The following GNAQ variants were observed in gnomAD, a reference collection of about 807,000 sequenced individuals.
GNAQ encodes guanine nucleotide-binding protein G(q) subunit alpha.
Under a neutral mutation model 43.9 loss-of-function variants are expected in GNAQ, and 8 were observed. The observed-to-expected ratio is 0.18, with a 90% confidence interval of 0.11 to 0.33. The LOEUF (loss-of-function observed/expected upper bound fraction) is 0.33. Among genes scored for constraint, GNAQ ranks in the 10% least tolerant of loss-of-function variants. GNAQ has a pLI of 1.00. For synonymous variants in GNAQ, 155 were observed against 170.7 expected (o/e 0.91, Z 0.71); for missense variants, 158 against 450.8 (o/e 0.35, Z 5.88).
chr9:77,716,618 T>C lies in GNAQ; in HGVS notation c.*4705A>G, dbSNP rs1423641723. ...CAAAGTTACGTAGTATTATTCCAGCTTTCTTTCCTGAACTTAAAAATGTTC... is the reference window on the plus strand; with the variant it reads ...CAAAGTTACGTAGTATTATTCCAGCCTTCTTTCCTGAACTTAAAAATGTTC... On this transcript the variant is annotated 3_prime_UTR_variant, in exon 7 of 7. Coordinates refer to ENST00000286548, the MANE Select transcript of GNAQ (RefSeq NM_002072.5). 1 of 232,856 alleles carries C rather than the reference T, an allele frequency of 4.3e-6. No homozygotes were observed. The highest frequency in any genetic ancestry group is 8.5e-6 in the Non-Finnish European group (1 of 117,896). 14.4% of individuals were successfully genotyped at this position (232,856 alleles called of 1,614,324 possible).
chr9:78,004,833 G>A, intron 1 of GNAQ, among the ~76,000 whole-genome samples: 1 of 151,980 alleles, frequency 6.6e-6, no homozygotes, highest in South Asian at 2.1e-4. Context: ...TCCTAGGGGT[G>A]GGAGAGAAGA....
chr9:77,825,423 T>C (rs1827178380), intron 2 of GNAQ, among the ~76,000 whole-genome samples: 1 of 152,172 alleles, frequency 6.6e-6, no homozygotes, highest in Non-Finnish European at 1.5e-5. Flanking sequence ...TTCGTGGACC[T>C]GGCAGCCTAC....
chr9:77,928,651 G>T (rs919655145), intron 1 of GNAQ, among the ~76,000 whole-genome samples: 3 of 152,144 alleles, frequency 2.0e-5, no homozygotes, highest in African/African-American at 7.2e-5. Flanking sequence ...AAACATTTGT[G>T]TATTAAAAAC....
intron 5 of GNAQ, among the ~76,000 whole-genome samples, chr9:77,729,439 A>G (rs1173042564): frequency 6.6e-6 from 1 of 152,178 alleles, no homozygotes; most frequent in Non-Finnish European, 1.5e-5. Context: ...GAAGAAAATT[A>G]GTCAGCTTGC....
chr9:77,857,276 C>T (rs1307213686), intron 2 of GNAQ, among the ~76,000 whole-genome samples: 1 of 152,214 alleles, frequency 6.6e-6, no homozygotes, highest in African/African-American at 2.4e-5. Context: ...GAAATTCAAT[C>T]ACTTTCAACA....
intron 1 of GNAQ, among the ~76,000 whole-genome samples, chr9:77,929,716 T>C (rs1385035902): frequency 6.6e-6 from 1 of 152,024 alleles, no homozygotes; most frequent in Non-Finnish European, 1.5e-5. Context: ...GCGCCTGTAG[T>C]TCCTTCGGGA....
In GNAQ at chr9:77,716,289, C is replaced by T. The variant is rs535616673; in HGVS notation, c.*5034G>A. Reference sequence around the variant, plus strand: ...TAGTACAAAATTATGGCCAAAAATACTGTATTTTTAACCAGCAAGATCATT... The same window carrying T: ...TAGTACAAAATTATGGCCAAAAATATTGTATTTTTAACCAGCAAGATCATT... On this transcript the variant is annotated 3_prime_UTR_variant, in exon 7 of 7. Transcript: ENST00000286548. 1.3e-5 allele frequency: 3 copies of T among 231,162 alleles called. No homozygotes were observed. The East Asian group carries it at 1.8e-4, about 14-fold the overall frequency. The allele number at this position is 231,162 out of a possible 1,614,324, so 14.3% of individuals were successfully genotyped here. A position where few individuals can be genotyped will look rare whatever the true frequency, so the allele number is the denominator to read the frequency against.
chr9:77,773,328 A>G (rs965587667), intron 5 of GNAQ, among the ~76,000 whole-genome samples: 1 of 152,228 alleles, frequency 6.6e-6, no homozygotes, highest in Non-Finnish European at 1.5e-5. Context: ...AAGTTATAAC[A>G]CTAACTTAGC....
intron 5 of GNAQ, among the ~76,000 whole-genome samples, chr9:77,759,608 T>C (rs890946549): frequency 3.9e-5 from 6 of 152,176 alleles, no homozygotes; most frequent in East Asian, 3.9e-4. Flanking sequence ...AGTGTAGAGT[T>C]TGGACTGACT....
intron 5 of GNAQ, among the ~76,000 whole-genome samples, chr9:77,780,395 G>C (rs1826375725): frequency 6.7e-6 from 1 of 149,992 alleles, no homozygotes; most frequent in Admixed American, 6.6e-5. Context: ...TCCACTTAAT[G>C]TAATATCCTC....
At chr9:77,956,136 A>C (rs889956137) in intron 1 of GNAQ, among the ~76,000 whole-genome samples, 1 of 151,866 alleles carries the variant, frequency 6.6e-6, no homozygotes, top group Non-Finnish European at 1.5e-5. Flanking sequence ...GACTTATTCT[A>C]AAGTGTTTTA....
At chr9:77,959,690 T>C (rs1217509984) in intron 1 of GNAQ, among the ~76,000 whole-genome samples, 2 of 152,214 alleles carry the variant, frequency 1.3e-5, no homozygotes, top group African/African-American at 4.8e-5. Context: ...CTAAAAATCA[T>C]TGAGTTTTTC....
At chr9:78,030,992 C>T (rs1824050259) in intron 1 of GNAQ, 108 bp downstream of exon 1, 4 of 805,180 alleles carry the variant, frequency 5.0e-6, no homozygotes, top group Non-Finnish European at 6.7e-6. Context: ...AGGGTAGGGG[C>T]GAACCGCGGG....
At position 77,720,576 on chromosome 9, in the gene GNAQ, T is replaced by C. The variant is rs1825295116; in HGVS notation, c.*747A>G. 4.3e-6 allele frequency: 1 copy of C among 233,262 alleles called. No individual in the cohort carries two copies. Among genetic ancestry groups the C allele is most frequent in the African/African-American group, 2.2e-5 (1 of 45,320 alleles). 14.4% of individuals were successfully genotyped at this position (233,262 alleles called of 1,614,324 possible). ...CACGTGGCATTTCAAAAGAAAGGAC[T>C]CCTGTGTGTCTTTGATCCTGCCTTC... On this transcript the variant is annotated 3_prime_UTR_variant, in exon 7 of 7. Transcript: ENST00000286548.
intron 1 of GNAQ, among the ~76,000 whole-genome samples, chr9:77,932,957 G>A (rs1219815745): frequency 6.6e-6 from 1 of 152,144 alleles, no homozygotes; most frequent in African/African-American, 2.4e-5. Context: ...GGGAGGAGAT[G>A]ACATAGGGAG....
chr9:77,947,510 C>T (rs768116756), intron 1 of GNAQ, among the ~76,000 whole-genome samples: 5 of 152,146 alleles, frequency 3.3e-5, no homozygotes, highest in South Asian at 2.1e-4. Context: ...GTGTGTGACA[C>T]GAGGCTATCT....
intron 5 of GNAQ, among the ~76,000 whole-genome samples, chr9:77,771,462 T>G (rs1426241704): frequency 6.6e-6 from 1 of 152,156 alleles, no homozygotes; most frequent in African/African-American, 2.4e-5. Flanking sequence ...AGGCATCAGG[T>G]GAAACTAAAT....
intron 6 of GNAQ, among the ~76,000 whole-genome samples, chr9:77,723,368 C>T (rs145136015): frequency 4.3e-4 from 65 of 152,214 alleles, no homozygotes; most frequent in African/African-American, 1.1e-3. Context: ...ACCATATGAC[C>T]GACCCTGCTA....
intron 2 of GNAQ, among the ~76,000 whole-genome samples, chr9:77,875,505 T>C (rs1828112111): frequency 6.6e-6 from 1 of 152,204 alleles, no homozygotes; most frequent in Admixed American, 6.5e-5. Flanking sequence ...AATGACTTTA[T>C]GGATTTGCTT....
Sources: allele counts gnomAD v4.1 joint callset (sites outside exome capture counted in the v4.1 genomes callset), GRCh38; gene constraint gnomAD v4.1.1; transcripts MANE v1.5; gene names NCBI Gene and HGNC (gene_info 2026-07-23, HGNC 2026-07-21).